RBFOX1: variants seen among roughly 807,000 people sequenced by gnomAD.
RBFOX1 encodes the protein RNA binding fox-1 homolog 1.
In RBFOX1, 8 loss-of-function variants were observed where a neutral mutation model predicts 57.7. The observed-to-expected ratio is 0.14, with a 90% CI of 0.08 to 0.25. The LOEUF (loss-of-function observed/expected upper bound fraction) is 0.25. RBFOX1 is among the 10% of genes least tolerant of loss of function. RBFOX1 has a pLI of 1.00. For synonymous variants in RBFOX1, 326 were observed against 222.4 expected, an observed-to-expected ratio of 1.47 and a Z score of -4.15; for missense variants, 611 against 548.5, an observed-to-expected ratio of 1.11 and a Z score of -1.14.
chr16:6,817,555 A>AG (rs2090350456), intron 3 of RBFOX1, among the ~76,000 whole-genome samples: 1 of 135,022 alleles, frequency 7.4e-6, no homozygotes, highest in African/African-American at 2.6e-5. Flanking sequence ...AAAAAAAAAA[A>AG]TTTAACTGGA....
At chr16:6,779,462 G>A (rs559254118) in intron 3 of RBFOX1, among the ~76,000 whole-genome samples, 1 of 151,778 alleles carries the variant, frequency 6.6e-6, no homozygotes, top group East Asian at 1.9e-4. Context: ...GTTGTGAAGA[G>A]TACTACAATA....
intron 4 of RBFOX1, among the ~76,000 whole-genome samples, chr16:5,869,919 C>T: frequency 6.6e-6 from 1 of 151,926 alleles, no homozygotes; most frequent in East Asian, 1.9e-4. Context: ...GGAAACAAAC[C>T]AAATGTCTAT....
intron 2 of RBFOX1, among the ~76,000 whole-genome samples, chr16:5,514,800 A>G (rs1372856258): frequency 3.9e-5 from 6 of 152,102 alleles, no homozygotes; most frequent in African/African-American, 1.4e-4. Flanking sequence ...GAAAAAAGAG[A>G]TAACATAGTT....
chr16:6,887,518 G>A (rs942384629), intron 3 of RBFOX1, among the ~76,000 whole-genome samples: 1 of 151,830 alleles, frequency 6.6e-6, no homozygotes. Flanking sequence ...TGTATATTAG[G>A]TGATTTCCCT....
At chr16:7,401,428 A>C (rs1420428919) in intron 4 of RBFOX1, among the ~76,000 whole-genome samples, 1 of 152,250 alleles carries the variant, frequency 6.6e-6, no homozygotes, top group East Asian at 1.9e-4. Flanking sequence ...TGTTTTGGGA[A>C]GCCATAGATG....
At chr16:7,192,488 C>T (rs1001401901) in intron 4 of RBFOX1, among the ~76,000 whole-genome samples, 1 of 152,140 alleles carries the variant, frequency 6.6e-6, no homozygotes, top group East Asian at 1.9e-4. Context: ...ACTTAGCAAG[C>T]ACTCTTCACT....
intron 4 of RBFOX1, among the ~76,000 whole-genome samples, chr16:5,877,800 T>G (rs1346328370): frequency 2.0e-5 from 3 of 152,218 alleles, no homozygotes; most frequent in Non-Finnish European, 4.4e-5. Flanking sequence ...AATAGGGTGG[T>G]AACTTCCAGG....
intron 2 of RBFOX1, among the ~76,000 whole-genome samples, chr16:6,413,846 C>T (rs747767196): frequency 6.6e-6 from 1 of 152,136 alleles, no homozygotes; most frequent in Non-Finnish European, 1.5e-5. Context: ...TTGGGGGGAA[C>T]TATGGCGACA....
At chr16:5,276,284 C>T (rs776755655) in intron 1 of RBFOX1, among the ~76,000 whole-genome samples, 7 of 152,126 alleles carry the variant, frequency 4.6e-5, no homozygotes, top group African/African-American at 7.2e-5. Flanking sequence ...CAAACTGCAT[C>T]TGACAAAGGA....
intron 2 of RBFOX1, among the ~76,000 whole-genome samples, chr16:6,431,896 GCTTTCTTTCTTT>G (rs869041704): frequency 0.075 from 9,631 of 127,796 alleles, 415 homozygotes; most frequent in Non-Finnish European, 0.095. Context: ...TTGCTTGCTT[GCTTTCTTTCTTT>G]CTTTCTTTCT....
At chr16:6,653,775 T>C (rs780399669) in intron 2 of RBFOX1, among the ~76,000 whole-genome samples, 1 of 150,134 alleles carries the variant, frequency 6.7e-6, no homozygotes, top group African/African-American at 2.5e-5. Context: ...GGTGGATGGA[T>C]GGATAGGTGG....
In RBFOX1 at chr16:6,358,497, A is replaced by G. The variant is rs367901639; in HGVS notation, c.-64+41440A>G. ...GATTAATAATTCACTAATTAATCCC[A>G]TAGATAAAGATCCAGCTGAAGAGTC... On this transcript the variant is annotated intron_variant, in intron 2 of 15. Transcript: ENST00000550418. 2.3e-3 allele frequency among the ~76,000 whole-genome samples: 352 copies of G among 152,356 alleles called. 1 individual carries two copies. The highest frequency in any genetic ancestry group is 7.8e-3 in the African/African-American group (323 of 41,588).
At chr16:6,197,497 T>C (rs914329528) in intron 1 of RBFOX1, among the ~76,000 whole-genome samples, 10 of 152,114 alleles carry the variant, frequency 6.6e-5, no homozygotes, top group Admixed American at 3.9e-4. Flanking sequence ...TGAGCACAAT[T>C]AATGGTTAAT....
chr16:7,646,432 A>G (rs183688669), intron 11 of RBFOX1, among the ~76,000 whole-genome samples: 30 of 152,358 alleles, frequency 2.0e-4, no homozygotes, highest in Admixed American at 1.3e-3. Context: ...ATTTCCTACC[A>G]TAAATTACCC....
At chr16:6,875,761 T>G (rs896283984) in intron 3 of RBFOX1, among the ~76,000 whole-genome samples, 1 of 152,084 alleles carries the variant, frequency 6.6e-6, no homozygotes, top group African/African-American at 2.4e-5. Context: ...CAGCAGCACT[T>G]TGGGAGGCCA....
chr16:6,583,535 T>G (rs1444792985), intron 2 of RBFOX1, among the ~76,000 whole-genome samples: 12 of 152,258 alleles, frequency 7.9e-5, no homozygotes, highest in Non-Finnish European at 1.5e-5. Flanking sequence ...ATTTTATTCC[T>G]TTCTTCCAAG....
chr16:7,322,472 A>G (rs1281757856), intron 4 of RBFOX1, among the ~76,000 whole-genome samples: 1 of 152,254 alleles, frequency 6.6e-6, no homozygotes, highest in East Asian at 1.9e-4. Context: ...GACTTTGCGC[A>G]TGCCTGCCCT....
At chr16:7,234,436 A>T (rs1174879577) in intron 4 of RBFOX1, among the ~76,000 whole-genome samples, 2 of 152,108 alleles carry the variant, frequency 1.3e-5, no homozygotes, top group African/African-American at 2.4e-5. Context: ...TAACAGTGCA[A>T]GATGCCATCA....
rs869240597 is a variant in RBFOX1 at position 5,651,040 on chromosome 16, C to CTTTTTTTTTTTTTTTT, written c.318+52094_318+52109dup. Among the ~76,000 whole-genome samples the CTTTTTTTTTTTTTTTT allele has an allele frequency of 7.6e-4, 43 of 56,896 alleles. 14 individuals carry two copies. The highest frequency in any genetic ancestry group is 7.0e-3 in the East Asian group (12 of 1,724). 37.3% of individuals were successfully genotyped at this position (56,896 alleles called of 152,430 possible). The stretch of plus-strand genomic sequence containing the variant: ...TCCTCTGGGAGAACACTACCTCCTT[C>CTTTTTTTTTTTTTTTT]TTTTTTTTTTTTTTTTTTTTTTTTT... On this transcript the variant is annotated intron_variant, in intron 3 of 19. Transcript: ENST00000641259.
Sources: gnomAD v4.1 joint callset for allele counts (sites outside exome capture counted in the v4.1 genomes callset) on GRCh38, gnomAD v4.1.1 for gene constraint, MANE v1.5 for transcripts, NCBI Gene and HGNC (gene_info 2026-07-23, HGNC 2026-07-21) for gene names.